The following GLRA1 variants were observed in gnomAD, a reference collection of about 807,000 sequenced individuals.
The protein encoded by GLRA1 is glycine receptor alpha 1.
Under a neutral mutation model 48.3 loss-of-function variants are expected in GLRA1, and 37 were observed. That is an observed-to-expected ratio of 0.77 (90% CI 0.59 to 1.01). The LOEUF (loss-of-function observed/expected upper bound fraction) is 1.01, where lower values mean the gene tolerates loss of function less well. Ranked by LOEUF, GLRA1 falls within the 50% of genes least tolerant of loss-of-function variation. GLRA1 has a pLI of 0.00. For missense variants in GLRA1, 427 were observed against 571.0 expected, an observed-to-expected ratio of 0.75 and a Z score of 2.57; for synonymous variants, 196 against 210.7, an observed-to-expected ratio of 0.93 and a Z score of 0.60.
At chr5:151,852,539 G>A (rs1447210213) in intron 6 of GLRA1, among the ~76,000 whole-genome samples, 1 of 152,230 alleles carries the variant, frequency 6.6e-6, no homozygotes, top group African/African-American at 2.4e-5. Flanking sequence ...CAGTCTTATG[G>A]TGGGATCTTA....
chr5:151,844,636 A>AG (rs199979180), intron 7 of GLRA1, among the ~76,000 whole-genome samples: 2,429 of 147,590 alleles, frequency 0.016, 79 homozygotes, highest in African/African-American at 0.059. Flanking sequence ...AAAAAAAAAA[A>AG]AAAAAGAAAA....
intron 1 of GLRA1, among the ~76,000 whole-genome samples, chr5:151,920,978 T>C (rs1166648934): frequency 6.6e-6 from 1 of 152,206 alleles, no homozygotes; most frequent in Non-Finnish European, 1.5e-5. Context: ...TGAAACAATG[T>C]ATTTGTCATT....
intron 1 of GLRA1, among the ~76,000 whole-genome samples, chr5:151,894,483 G>A (rs925083460): frequency 2.0e-5 from 3 of 152,034 alleles, no homozygotes; most frequent in Non-Finnish European, 4.4e-5. Flanking sequence ...CCCAGATGAC[G>A]TCAATATACT....
chr5:151,869,579 G>C (rs1275321339), intron 3 of GLRA1, among the ~76,000 whole-genome samples: 1 of 140,562 alleles, frequency 7.1e-6, no homozygotes, highest in African/African-American at 3.3e-5. Flanking sequence ...CCTGTACTTG[G>C]TGGCAAGCAC....
At chr5:151,894,763 C>G (rs1456158831) in intron 1 of GLRA1, among the ~76,000 whole-genome samples, 2 of 152,130 alleles carry the variant, frequency 1.3e-5, no homozygotes, top group African/African-American at 4.8e-5. Flanking sequence ...AATCAAATAT[C>G]CTGGCTAGTA....
rs185811794 is a variant in GLRA1, at chr5:151,860,095, A to G, written c.253-87T>C. 7.0e-5 allele frequency: 64 copies of G among 910,978 alleles called. 1 individual carries two copies. The highest frequency in any genetic ancestry group is 5.9e-4 in the Admixed American group (31 of 52,928). 56.4% of individuals were successfully genotyped at this position (910,978 alleles called of 1,614,324 possible). A position where few individuals can be genotyped will look rare whatever the true frequency, so the allele number is the denominator to read the frequency against. The stretch of plus-strand genomic sequence containing the variant: ...GACCTGGGTGCTTTTGGCCAGTAAA[A>G]CCTTTTCTGGAGGATGTTATTAAGT... On this transcript the variant is annotated intron_variant, in intron 3 of 8. Coordinates refer to ENST00000274576, the MANE Select transcript of GLRA1 (RefSeq NM_000171.4).
chr5:151,854,711 A>G (rs1237653024), intron 6 of GLRA1, among the ~76,000 whole-genome samples: 2 of 152,200 alleles, frequency 1.3e-5, no homozygotes, highest in African/African-American at 4.8e-5. Flanking sequence ...CTCTATTGGA[A>G]ATGCCAGTTC....
chr5:151,893,516 C>T (rs960937897), intron 1 of GLRA1, among the ~76,000 whole-genome samples: 1 of 151,984 alleles, frequency 6.6e-6, no homozygotes, highest in South Asian at 2.1e-4. Flanking sequence ...CCTTGCCCCC[C>T]ACTACCCGAC....
chr5:151,855,144 C>T lies in GLRA1; in HGVS notation c.593G>A (p.Trp198Ter). The change falls in exon 6 of 9, where the codon TGG (tryptophan) becomes TAG (stop). Residue 198 changes from tryptophan (W) to a stop codon, truncating the protein, a stop_gained. Coordinates refer to ENST00000274576, the MANE Select transcript of GLRA1 (RefSeq NM_000171.4). LOFTEE classifies it high-confidence loss of function. ...TACCTGCACGGCTCCCTGTTCCTGC[C>T]ACTCAAAGATGAGGTCATTCATCGT... ...GYTMNDLIFE[W>*]QEQGAVQVAD... The T allele has an allele frequency of 6.2e-7, 1 of 1,613,988 alleles. No individual in the cohort carries two copies. Among genetic ancestry groups the T allele is most frequent in the Non-Finnish European group, 8.5e-7 (1 of 1,179,910 alleles).
chr5:151,902,525 A>G (rs936012084), intron 1 of GLRA1, among the ~76,000 whole-genome samples: 1 of 152,156 alleles, frequency 6.6e-6, no homozygotes, highest in Non-Finnish European at 1.5e-5. Flanking sequence ...TACAGATGCT[A>G]TGGAAATAAA....
Position 151,860,015 on chromosome 5 carries a change from C to G in GLRA1, c.253-7G>C. The G allele has an allele frequency of 6.2e-7, 1 of 1,608,384 alleles. No homozygotes were observed. The highest frequency in any genetic ancestry group is 2.2e-5 in the East Asian group (1 of 44,850). On this transcript the variant is annotated splice_polypyrimidine_tract_variant and splice_region_variant and intron_variant, in intron 3 of 8. Coordinates refer to ENST00000274576, the MANE Select transcript of GLRA1 (RefSeq NM_000171.4). ...AGATGTTGACCCTATAGTCCTACAG[C>G]CAGGAAATAACAAGGTGAAGGCAAT...
chr5:151,858,784 C>T (rs1219010514), intron 4 of GLRA1, among the ~76,000 whole-genome samples: 1 of 151,122 alleles, frequency 6.6e-6, no homozygotes, highest in Non-Finnish European at 1.5e-5. Flanking sequence ...AAAAAAAAAA[C>T]GTGTTTCCCT....
At chr5:151,850,149 G>A in intron 7 of GLRA1, 1 of 1,603,796 alleles carries the variant, frequency 6.2e-7, no homozygotes, top group Non-Finnish European at 8.5e-7. Flanking sequence ...AGGACCCCAG[G>A]GTCCATATTA....
chr5:151,902,848 G>A (rs73285996), intron 1 of GLRA1, among the ~76,000 whole-genome samples: 128 of 152,270 alleles, frequency 8.4e-4, no homozygotes, highest in African/African-American at 3.1e-3. Flanking sequence ...GATGAGAAAA[G>A]TGAGGTCCAT....
chr5:151,900,161 G>A (rs1197494252), intron 1 of GLRA1, among the ~76,000 whole-genome samples: 1 of 152,140 alleles, frequency 6.6e-6, no homozygotes, highest in Non-Finnish European at 1.5e-5. Flanking sequence ...AGAGAAAGAA[G>A]AATGAGGTAC....
chr5:151,912,760 GACA>G (rs1754648026), intron 1 of GLRA1, among the ~76,000 whole-genome samples: 1 of 152,204 alleles, frequency 6.6e-6, no homozygotes. Context: ...CCCCTGGGAT[GACA>G]TTATCTATGA....
intron 1 of GLRA1, among the ~76,000 whole-genome samples, chr5:151,914,626 C>A (rs942452206): frequency 2.0e-5 from 3 of 152,134 alleles, no homozygotes; most frequent in Admixed American, 2.0e-4. Context: ...AAATTCTCCC[C>A]CACATTCCTA....
intron 7 of GLRA1, among the ~76,000 whole-genome samples, chr5:151,845,593 G>T (rs1581609926): frequency 6.6e-6 from 1 of 152,200 alleles, no homozygotes; most frequent in East Asian, 1.9e-4. Flanking sequence ...TTGTGAAGAT[G>T]TGCAGACGTT....
At chr5:151,920,524 A>AGCCTAGGG (rs776634003) in intron 1 of GLRA1, among the ~76,000 whole-genome samples, 20 of 152,294 alleles carry the variant, frequency 1.3e-4, no homozygotes, top group South Asian at 1.0e-3. Flanking sequence ...TCTATTTACC[A>AGCCTAGGG]GCCTAGGGTC....
Sources: gnomAD v4.1 joint callset for allele counts (sites outside exome capture counted in the v4.1 genomes callset) on GRCh38, gnomAD v4.1.1 for gene constraint, MANE v1.5 for transcripts, NCBI Gene and HGNC (gene_info 2026-07-23, HGNC 2026-07-21) for gene names.